The following NRG2 variants were observed in gnomAD, a reference collection of about 807,000 sequenced individuals.
The protein encoded by NRG2 is neuregulin 2.
A neutral mutation model predicts 73.9 loss-of-function variants in NRG2; 27 were observed. That is an observed-to-expected ratio of 0.37 (90% CI 0.27 to 0.50). The LOEUF (loss-of-function observed/expected upper bound fraction) is 0.50. Among genes scored for constraint, NRG2 ranks in the 20% least tolerant of loss-of-function variants. The pLI, the probability that NRG2 is intolerant of heterozygous loss-of-function variation, is 0.96. For synonymous variants in NRG2, 532 were observed against 541.0 expected, an observed-to-expected ratio of 0.98 and a Z score of 0.23; for missense variants, 1,126 against 1,210.1, an observed-to-expected ratio of 0.93 and a Z score of 1.03.
chr5:139,935,237 A>T (rs1752760701), intron 1 of NRG2, among the ~76,000 whole-genome samples: 1 of 152,196 alleles, frequency 6.6e-6, no homozygotes, highest in Non-Finnish European at 1.5e-5. Context: ...AGAAATAGAG[A>T]AATTTAGAAA....
At chr5:140,032,034 G>A (rs1217548292) in intron 1 of NRG2, among the ~76,000 whole-genome samples, 1 of 152,148 alleles carries the variant, frequency 6.6e-6, no homozygotes, top group Non-Finnish European at 1.5e-5. Flanking sequence ...GTGATCAAAG[G>A]ACCAGCACTG....
Position 140,042,849 on chromosome 5 carries a change from C to T in NRG2, c.221G>A (p.Arg74His), listed in dbSNP as rs1262399270. 3 of 1,493,908 alleles carry T rather than the reference C, an allele frequency of 2.0e-6. No homozygotes were observed. Among genetic ancestry groups the T allele is most frequent in the Non-Finnish European group, 2.7e-6 (3 of 1,125,446 alleles). The allele number at this position is 1,493,908 out of a possible 1,614,324, so 92.5% of individuals were successfully genotyped here. A position where few individuals can be genotyped will look rare whatever the true frequency, so the allele number is the denominator to read the frequency against. ...GGCGGCTCTCCGGGCTGCGGGGCTG[C>T]GGGGCTGCGGCTGTTGCTGCGGCCG... is the stretch of plus-strand genomic sequence containing the variant. Reference protein sequence around the residue: ...EPRPQQQPQPRSPAARRAAAR... With the variant: ...EPRPQQQPQPHSPAARRAAAR... Residue 74 changes from arginine to histidine, a missense_variant, in exon 1 of 10, where the codon CGC becomes CAC. Arg to His is a conservative substitution (Grantham distance 29, BLOSUM62 0). Coordinates refer to ENST00000361474, the MANE Select transcript of NRG2 (RefSeq NM_004883.3).
chr5:139,875,096 C>G (rs933527291), intron 3 of NRG2, among the ~76,000 whole-genome samples: 4 of 152,218 alleles, frequency 2.6e-5, no homozygotes, highest in African/African-American at 9.7e-5. Context: ...ACTGCAACCT[C>G]TGCCTCCCGG....
intron 1 of NRG2, among the ~76,000 whole-genome samples, chr5:139,961,914 A>G (rs1430253248): frequency 2.0e-5 from 3 of 152,172 alleles, no homozygotes; most frequent in Non-Finnish European, 2.9e-5. Flanking sequence ...CAATCCCAGT[A>G]TAATGTGGGG....
Position 140,002,509 on chromosome 5 carries a change from A to G in NRG2, c.700+39861T>C, listed in dbSNP as rs1317254908. Among the ~76,000 whole-genome samples the G allele has an allele frequency of 9.2e-5, 14 of 152,344 alleles. No homozygotes were observed. The East Asian group carries it at 2.5e-3, about 27-fold the overall frequency. ...AAGCATATTCCAAGTAGAGTGAACA[A>G]TAAATACCAAAAGCTGGAGACAGGA... On this transcript the variant is annotated intron_variant, in intron 1 of 9. Transcript: ENST00000361474.
intron 1 of NRG2, among the ~76,000 whole-genome samples, chr5:139,908,384 G>T (rs560127012): frequency 1.3e-5 from 2 of 152,196 alleles, no homozygotes; most frequent in South Asian, 4.2e-4. Context: ...CCCTTTATGC[G>T]CCAGGCTCTG....
chr5:140,038,679 G>A (rs1356191739), intron 1 of NRG2, among the ~76,000 whole-genome samples: 1 of 152,278 alleles, frequency 6.6e-6, no homozygotes, highest in Non-Finnish European at 1.5e-5. Flanking sequence ...GGCAAAGTAC[G>A]AAACGCGGCA....
At chr5:139,948,418 G>A (rs148900866) in intron 1 of NRG2, among the ~76,000 whole-genome samples, 27 of 152,174 alleles carry the variant, frequency 1.8e-4, no homozygotes, top group African/African-American at 6.0e-4. Context: ...CCCACACAGA[G>A]GTCCGCTTCA....
intron 5 of NRG2, 24 bp from the exon 6 acceptor site, chr5:139,855,802 G>C (rs1242163397): frequency 1.3e-6 from 2 of 1,593,132 alleles, no homozygotes; most frequent in East Asian, 4.5e-5. Context: ...GTAGATGTGA[G>C]GGGTGGGGCA....
At chr5:140,018,694 C>A (rs1404907124) in intron 1 of NRG2, among the ~76,000 whole-genome samples, 3 of 152,142 alleles carry the variant, frequency 2.0e-5, no homozygotes, top group Non-Finnish European at 1.5e-5. Context: ...GCCAAGGTGC[C>A]AAGGACGCAG....
intron 1 of NRG2, among the ~76,000 whole-genome samples, chr5:139,914,802 T>C (rs1251688603): frequency 6.6e-6 from 1 of 152,220 alleles, no homozygotes; most frequent in Non-Finnish European, 1.5e-5. Context: ...CCTGAAAACA[T>C]GCCCATGTTG....
intron 6 of NRG2, among the ~76,000 whole-genome samples, chr5:139,855,040 G>T (rs1371187638): frequency 6.6e-6 from 1 of 152,120 alleles, no homozygotes; most frequent in Non-Finnish European, 1.5e-5. Flanking sequence ...AGCTTAGACT[G>T]CCCGGCTCCC....
At chr5:140,034,449 A>G (rs1761365362) in intron 1 of NRG2, among the ~76,000 whole-genome samples, 1 of 152,204 alleles carries the variant, frequency 6.6e-6, no homozygotes. Flanking sequence ...TGCTCTTACC[A>G]CTTCTATTCA....
chr5:140,021,824 A>C (rs2126669376), intron 1 of NRG2, among the ~76,000 whole-genome samples: 1 of 152,342 alleles, frequency 6.6e-6, no homozygotes, highest in Non-Finnish European at 1.5e-5. Context: ...TGTAGGGAAT[A>C]TTAAGTTCAT....
intron 1 of NRG2, among the ~76,000 whole-genome samples, chr5:140,030,239 G>A (rs962229247): frequency 6.6e-6 from 1 of 152,166 alleles, no homozygotes; most frequent in African/African-American, 2.4e-5. Context: ...TATGGTTCAT[G>A]ACCTTGACCC....
intron 1 of NRG2, among the ~76,000 whole-genome samples, chr5:139,956,964 T>C (rs1230858951): frequency 6.6e-6 from 1 of 152,078 alleles, no homozygotes; most frequent in Non-Finnish European, 1.5e-5. Flanking sequence ...CAAATGGCTT[T>C]CCCCCTGAGG....
At position 139,869,892 on chromosome 5, in the gene NRG2, T is replaced by C. The variant is rs1314642167; in HGVS notation, c.1112+1829A>G. On this transcript the variant is annotated intron_variant, in intron 4 of 9. Coordinates refer to ENST00000361474, the MANE Select transcript of NRG2 (RefSeq NM_004883.3). The surrounding 1 kb of genome is among the most constrained non-coding windows in gnomAD (Gnocchi z 4.5). ...CCTTGCCCACACCGAACTCTAGCAC[T>C]GGAGCCCTGGCCCCCATGGCCCTCC... Among the ~76,000 whole-genome samples the C allele has an allele frequency of 6.6e-6, 1 of 152,168 alleles. No homozygotes were observed. Among genetic ancestry groups the C allele is most frequent in the Non-Finnish European group, 1.5e-5 (1 of 68,036 alleles).
At chr5:139,949,240 A>G (rs1317372706) in intron 1 of NRG2, among the ~76,000 whole-genome samples, 1 of 152,164 alleles carries the variant, frequency 6.6e-6, no homozygotes, top group Non-Finnish European at 1.5e-5. Flanking sequence ...AACAGCCCTT[A>G]AAAAATCAAT....
At position 139,989,250 on chromosome 5, in the gene NRG2, G is replaced by A. The variant is rs188753389; in HGVS notation, c.700+53120C>T. 7.5e-4 allele frequency among the ~76,000 whole-genome samples: 114 copies of A among 152,132 alleles called. 1 individual carries two copies. The highest frequency in any genetic ancestry group is 2.7e-3 in the African/African-American group (113 of 41,538). On this transcript the variant is annotated intron_variant, in intron 1 of 9. Transcript: ENST00000361474. Reference sequence around the variant, plus strand: ...CTCCATCTCAATGGCCACCACTGGAGAACAATGCCTCACCCTCCTTCATCT... The same window carrying A: ...CTCCATCTCAATGGCCACCACTGGAAAACAATGCCTCACCCTCCTTCATCT...
Sources: gnomAD v4.1 joint callset for allele counts (sites outside exome capture counted in the v4.1 genomes callset) on GRCh38, gnomAD v4.1.1 for gene constraint, Gnocchi (gnomAD v3.1) non-coding constraint, MANE v1.5 for transcripts, NCBI Gene and HGNC (gene_info 2026-07-23, HGNC 2026-07-21) for gene names.